Variants in CRLS1 observed in about 807,000 individuals in gnomAD.
The protein encoded by CRLS1 is cardiolipin synthase (CMP-forming).
A neutral mutation model predicts 37.0 loss-of-function variants in CRLS1; 24 were observed. The observed-to-expected ratio is 0.65, with a 90% CI of 0.47 to 0.91. The LOEUF is 0.91. Among genes scored for constraint, CRLS1 ranks in the 40% least tolerant of loss-of-function variants. The pLI is 0.00. For missense variants in CRLS1, 373 were observed against 395.8 expected, an observed-to-expected ratio of 0.94 and a Z score of 0.49; for synonymous variants, 135 against 159.7, an observed-to-expected ratio of 0.85 and a Z score of 1.17.
chr20:6,032,756 A>G (rs531693269), intron 5 of CRLS1, among the ~76,000 whole-genome samples: 1 of 152,306 alleles, frequency 6.6e-6, no homozygotes, highest in South Asian at 2.1e-4. Context: ...TTTTTCTAGT[A>G]GCTTTGATAA....
chr20:6,012,966 A>G (rs1030215923), intron 2 of CRLS1, among the ~76,000 whole-genome samples: 1 of 152,150 alleles, frequency 6.6e-6, no homozygotes, highest in South Asian at 2.1e-4. Context: ...GGTGACCTTT[A>G]TGAGCCTCAC....
chr20:6,026,513 G>GTATT (rs555674179), intron 3 of CRLS1, among the ~76,000 whole-genome samples: 19 of 152,178 alleles, frequency 1.2e-4, no homozygotes, highest in South Asian at 6.2e-4. Flanking sequence ...AGGCATGCTT[G>GTATT]TATTTATTTA....
At chr20:6,007,161 G>A (rs1277642180) in intron 1 of CRLS1, 7 of 1,220,388 alleles carry the variant, frequency 5.7e-6, no homozygotes, top group Non-Finnish European at 7.6e-6. Context: ...GCATGAGTGT[G>A]GGAGAGCTTT....
intron 3 of CRLS1, among the ~76,000 whole-genome samples, chr20:6,027,102 GAGA>G: frequency 1.2e-5 from 1 of 86,770 alleles, no homozygotes; most frequent in Non-Finnish European, 2.4e-5. Context: ...TTTTTTTTTT[GAGA>G]AGGAGTTTCG....
At chr20:6,026,411 A>G (rs912093421) in intron 3 of CRLS1, among the ~76,000 whole-genome samples, 7 of 152,230 alleles carry the variant, frequency 4.6e-5, no homozygotes, top group African/African-American at 1.4e-4. Context: ...TAACTTTCAT[A>G]TGCACTGGGA....
At chr20:6,020,717 G>A (rs1439227630) in intron 3 of CRLS1, among the ~76,000 whole-genome samples, 1 of 151,704 alleles carries the variant, frequency 6.6e-6, no homozygotes, top group African/African-American at 2.4e-5. Context: ...CTGCCTCCTG[G>A]GTTCACGCCA....
At chr20:6,006,591 T>C (rs2090058918) in intron 1 of CRLS1, 39 bp downstream of exon 1, 1 of 1,249,118 alleles carries the variant, frequency 8.0e-7, no homozygotes, top group Non-Finnish European at 1.0e-6. Context: ...GGCCCTGGGC[T>C]GGGGTCGCCG....
chr20:6,006,794 C>T (rs778988255), intron 1 of CRLS1: 11 of 985,276 alleles, frequency 1.1e-5, no homozygotes, highest in African/African-American at 1.7e-5. Flanking sequence ...TATCTGCACC[C>T]GTTGCTGGAA....
intron 3 of CRLS1, among the ~76,000 whole-genome samples, chr20:6,016,512 TC>T (rs1401799296): frequency 6.6e-6 from 1 of 152,024 alleles, no homozygotes; most frequent in Non-Finnish European, 1.5e-5. Flanking sequence ...ACTTCTGGGA[TC>T]AAGTGATCCT....
At chr20:6,032,640 A>C (rs1224031811) in intron 5 of CRLS1, among the ~76,000 whole-genome samples, 2 of 152,146 alleles carry the variant, frequency 1.3e-5, no homozygotes, top group South Asian at 4.1e-4. Flanking sequence ...AAATAGGAAA[A>C]AGTTTTGTTC....
intron 5 of CRLS1, 58 bp from the exon 6 acceptor site, chr20:6,034,406 G>T: frequency 8.2e-7 from 1 of 1,216,468 alleles, no homozygotes; most frequent in Admixed American, 1.8e-5. Context: ...TGTCTTGAAA[G>T]CTTGAAATAG....
At chr20:6,036,473 G>A (rs1980558119) in intron 6 of CRLS1, among the ~76,000 whole-genome samples, 1 of 152,204 alleles carries the variant, frequency 6.6e-6, no homozygotes, top group African/African-American at 2.4e-5. Context: ...CCGGTTAAGG[G>A]TAGTTTGGTA....
At chr20:6,021,123 A>G (rs1600370766) in intron 3 of CRLS1, among the ~76,000 whole-genome samples, 5 of 135,838 alleles carry the variant, frequency 3.7e-5, no homozygotes, top group South Asian at 2.3e-4. Flanking sequence ...CTAGAGTCCC[A>G]TGGCACCATC....
At position 6,032,014 on chromosome 20, in the gene CRLS1, A is replaced by G; in HGVS notation, c.663A>G (p.Arg221=). The G allele has an allele frequency of 6.2e-7, 1 of 1,611,974 alleles. No individual in the cohort carries two copies. Residue 221 remains arginine (R), a splice_region_variant and synonymous_variant, in exon 5 of 7, where the codon CGA becomes CGG. Coordinates refer to ENST00000378863, the MANE Select transcript of CRLS1 (RefSeq NM_019095.6). ...TATCTTTTTTGGTCCTCTGCCAGCG[A>G]ACACTTGCCAAGTATTTCAATCCTT... ...YVRYRTLPTP[R]TLAKYFNPCY...
chr20:6,013,842 G>A (rs6133280), intron 2 of CRLS1, among the ~76,000 whole-genome samples: 79,300 of 151,778 alleles, frequency 0.52, 20,813 homozygotes, highest in Middle Eastern at 0.58. Flanking sequence ...CTTTTAAGCA[G>A]TGTTGAAGGA....
chr20:6,029,993 A>G (rs1980022836), intron 3 of CRLS1, among the ~76,000 whole-genome samples: 2 of 152,238 alleles, frequency 1.3e-5, no homozygotes, highest in Admixed American at 1.3e-4. Flanking sequence ...CCATAAGTAT[A>G]GCCTCCAATA....
In CRLS1 at chr20:6,034,465, T is replaced by A; in HGVS notation, c.731T>A (p.Val244Glu). 2 of 1,610,062 alleles carry A rather than the reference T, an allele frequency of 1.2e-6. No homozygotes were observed. The highest frequency in any genetic ancestry group is 1.7e-6 in the Non-Finnish European group (2 of 1,178,468). The stretch of plus-strand genomic sequence containing the variant: ...AGAACTTTTTCTTTTTTTATTTAGG[T>A]GAATACAGCAGTCCAGTTAATCTTG... ...ARLKPTFISK[V>E]NTAVQLILVA... is the part of the protein sequence containing the mutation. Residue 244 changes from valine (V) to glutamate (E), a missense_variant and splice_region_variant, in exon 6 of 7, where the codon GTG (valine) becomes GAG (glutamate). Transcript: ENST00000378863.
chr20:6,035,195 A>T (rs1439312593), intron 6 of CRLS1, among the ~76,000 whole-genome samples: 1 of 152,224 alleles, frequency 6.6e-6, no homozygotes, highest in East Asian at 1.9e-4. Flanking sequence ...CAGTTAAGCC[A>T]GGCAGTCTTT....
chr20:6,006,047 A>G (rs1301229249), upstream of CRLS1: 1 of 359,812 alleles, frequency 2.8e-6, no homozygotes, highest in Admixed American at 4.7e-5. Flanking sequence ...CGGTGTCGTA[A>G]AAGCGTCGCG....
Sources: gnomAD v4.1 joint callset for allele counts (sites outside exome capture counted in the v4.1 genomes callset) on GRCh38, gnomAD v4.1.1 for gene constraint, MANE v1.5 for transcripts, NCBI Gene and HGNC (gene_info 2026-07-23, HGNC 2026-07-21) for gene names.